Variants in CPNE8 observed in about 807,000 individuals in gnomAD.
CPNE8 encodes copine 8, also known as copine-8.
CPNE8 carries 45 observed loss-of-function variants against 81.5 expected under a neutral mutation model. The ratio of observed to expected loss-of-function variants is 0.55; its 90% confidence interval spans 0.44 to 0.71. CPNE8 has a LOEUF of 0.71. Among genes scored for constraint, CPNE8 ranks in the 30% least tolerant of loss-of-function variants. The pLI, the probability that CPNE8 is intolerant of heterozygous loss-of-function variation, is 0.00. For synonymous variants in CPNE8, 252 were observed against 226.3 expected, an observed-to-expected ratio of 1.11 and a Z score of -1.02; for missense variants, 594 against 672.1, an observed-to-expected ratio of 0.88 and a Z score of 1.28.
intron 6 of CPNE8, among the ~76,000 whole-genome samples, chr12:38,786,907 C>A (rs913593081): frequency 6.6e-6 from 1 of 151,884 alleles, no homozygotes; most frequent in Non-Finnish European, 1.5e-5. Context: ...ACTGGAACAC[C>A]CAATTTTAAA....
At chr12:38,807,385 G>T (rs9705658) in intron 6 of CPNE8, among the ~76,000 whole-genome samples, 148,811 of 150,340 alleles carry the variant, frequency 0.99, 73,659 homozygotes, top group Middle Eastern at 1. Context: ...AACAGCATGG[G>T]ACTAGTACCA....
chr12:38,717,450 T>TAG (rs1470153830), intron 13 of CPNE8, among the ~76,000 whole-genome samples: 3 of 137,428 alleles, frequency 2.2e-5, no homozygotes, highest in Non-Finnish European at 4.7e-5. Context: ...TATATATATA[T>TAG]ATATATATAC....
At position 38,892,905 on chromosome 12, in the gene CPNE8, C is replaced by A. The variant is rs1047448646; in HGVS notation, c.98+12532G>T. ...CTGTTGAGAGAAAAAACTAGAACAG[C>A]AACAGCAGAACTTGACAACTCTTGG... On this transcript the variant is annotated intron_variant, in intron 1 of 19. Transcript: ENST00000331366. Among the ~76,000 whole-genome samples the A allele has an allele frequency of 2.0e-5, 3 of 151,956 alleles. No homozygotes were observed. In the East Asian group the frequency reaches 5.8e-4, roughly 29 times the overall value.
intron 1 of CPNE8, among the ~76,000 whole-genome samples, chr12:38,883,458 CAG>C (rs1443639871): frequency 6.6e-6 from 1 of 152,006 alleles, no homozygotes; most frequent in African/African-American, 2.4e-5. Context: ...ATTTTGTACA[CAG>C]AAAAAAGCAA....
chr12:38,695,025 C>A (rs1252393567), intron 14 of CPNE8, among the ~76,000 whole-genome samples: 5 of 152,132 alleles, frequency 3.3e-5, no homozygotes, highest in Non-Finnish European at 7.4e-5. Flanking sequence ...CGTTCAAGGG[C>A]TGGCTCCACA....
chr12:38,863,177 A>G (rs913656811), intron 3 of CPNE8, among the ~76,000 whole-genome samples: 13 of 152,222 alleles, frequency 8.5e-5, no homozygotes, highest in Admixed American at 1.3e-4. Context: ...GAAAGTACAC[A>G]TGGCATACGT....
intron 7 of CPNE8, 47 bp downstream of exon 7, chr12:38,776,191 A>G (rs763809186): frequency 1.0e-6 from 1 of 962,282 alleles, no homozygotes; most frequent in Non-Finnish European, 1.6e-6. Context: ...TAGATATAGC[A>G]TTTGAAGTAT....
chr12:38,705,665 C>T (rs1256309752), intron 13 of CPNE8, among the ~76,000 whole-genome samples: 1 of 152,114 alleles, frequency 6.6e-6, no homozygotes, highest in Non-Finnish European at 1.5e-5. Flanking sequence ...ACCATCAGCA[C>T]ATTGCTTCGT....
intron 13 of CPNE8, among the ~76,000 whole-genome samples, chr12:38,707,084 T>C (rs1940126591): frequency 6.6e-6 from 1 of 151,922 alleles, no homozygotes; most frequent in Non-Finnish European, 1.5e-5. Context: ...GAGGCTGAGG[T>C]GGGAGGATCA....
In CPNE8 at chr12:38,730,369, A is replaced by AT; in HGVS notation, c.723-12_723-11insA. Reference sequence around the variant, plus strand: ...CCAATGAAATCATGACTAAAATTAAAGGAAAAAAGTACATAATATTGGCTT... The same window carrying AT: ...CCAATGAAATCATGACTAAAATTAAATGGAAAAAAGTACATAATATTGGCTT... On this transcript the variant is annotated splice_polypyrimidine_tract_variant and intron_variant, in intron 10 of 19. Transcript: ENST00000331366. 1 of 1,314,020 alleles carries AT rather than the reference A, an allele frequency of 7.6e-7. No homozygotes were observed. The highest frequency in any genetic ancestry group is 1.2e-5 in the South Asian group (1 of 81,378). The allele number at this position is 1,314,020 out of a possible 1,614,324, so 81.4% of individuals were successfully genotyped here.
At chr12:38,740,742 A>C (rs1399793125) in intron 10 of CPNE8, among the ~76,000 whole-genome samples, 1 of 152,170 alleles carries the variant, frequency 6.6e-6, no homozygotes, top group Non-Finnish European at 1.5e-5. Context: ...GATGAAGCCC[A>C]CTTGATCATG....
chr12:38,801,755 G>C (rs907798848), intron 6 of CPNE8, among the ~76,000 whole-genome samples: 2 of 87,894 alleles, frequency 2.3e-5, no homozygotes, highest in African/African-American at 8.8e-5. Context: ...GCTGTATTCA[G>C]GAAACCCATC....
chr12:38,864,057 C>CACAAAAAAAA (rs1555168919), intron 3 of CPNE8, among the ~76,000 whole-genome samples: 1 of 89,906 alleles, frequency 1.1e-5, no homozygotes. Flanking sequence ...TCATCTCTCA[C>CACAAAAAAAA]AAAAAAAAAA....
intron 10 of CPNE8, among the ~76,000 whole-genome samples, chr12:38,756,565 T>TG (rs1027348172): frequency 1.3e-5 from 2 of 152,142 alleles, no homozygotes; most frequent in Non-Finnish European, 1.5e-5. Context: ...TTTATTGCTC[T>TG]GGCTGCCACT....
At chr12:38,673,160 C>T (rs1939215376) in intron 18 of CPNE8, among the ~76,000 whole-genome samples, 2 of 152,078 alleles carry the variant, frequency 1.3e-5, no homozygotes, top group South Asian at 4.2e-4. Flanking sequence ...CTCACATGCT[C>T]TCTCTCTCTC....
intron 1 of CPNE8, among the ~76,000 whole-genome samples, chr12:38,905,208 G>T (rs899472703): frequency 7.9e-5 from 12 of 152,140 alleles, no homozygotes; most frequent in African/African-American, 2.4e-4. Context: ...CTTTTACAGC[G>T]TTTCCCAGAA....
intron 5 of CPNE8, among the ~76,000 whole-genome samples, chr12:38,839,334 G>A (rs1370665107): frequency 6.6e-6 from 1 of 151,934 alleles, no homozygotes; most frequent in East Asian, 1.9e-4. Context: ...CCAGGTAACA[G>A]TTGTTACCTG....
At chr12:38,786,061 C>G (rs1338767610) in intron 6 of CPNE8, among the ~76,000 whole-genome samples, 4 of 151,988 alleles carry the variant, frequency 2.6e-5, no homozygotes, top group African/African-American at 9.7e-5. Context: ...CCTTACTTAT[C>G]AATAATAACA....
intron 4 of CPNE8, among the ~76,000 whole-genome samples, chr12:38,843,151 T>C (rs79625215): frequency 0.02 from 2,988 of 152,314 alleles, 96 homozygotes; most frequent in African/African-American, 0.068. Flanking sequence ...AACTTCATCC[T>C]GCCATTGAAA....
Sources: allele counts gnomAD v4.1 joint callset (sites outside exome capture counted in the v4.1 genomes callset), GRCh38; gene constraint gnomAD v4.1.1; transcripts MANE v1.5; gene names NCBI Gene and HGNC (gene_info 2026-07-23, HGNC 2026-07-21).